Variants in UTP14C observed in about 807,000 individuals in gnomAD.
UTP14C encodes UTP14C small subunit processome component.
A neutral mutation model predicts 14.6 loss-of-function variants in UTP14C; 10 were observed. That is an observed-to-expected ratio of 0.68 (90% CI 0.42 to 1.16). The LOEUF (loss-of-function observed/expected upper bound fraction) is 1.16, where lower values mean the gene tolerates loss of function less well. UTP14C is among the 50% of genes most tolerant of loss of function. The pLI is 0.00. For missense variants in UTP14C, 818 were observed against 890.8 expected, an observed-to-expected ratio of 0.92 and a Z score of 1.04; for synonymous variants, 315 against 331.6, an observed-to-expected ratio of 0.95 and a Z score of 0.54.
rs775014469 is a variant in UTP14C, at chr13:52,031,150, TC to T, written c.*47del. 2 of 1,563,168 alleles carry T rather than the reference TC, an allele frequency of 1.3e-6. No individual in the cohort carries two copies. Among genetic ancestry groups the T allele is most frequent in the Admixed American group, 1.9e-5 (1 of 53,792 alleles). On this transcript the variant is annotated 3_prime_UTR_variant, in exon 2 of 2. Coordinates refer to ENST00000521776, the MANE Select transcript of UTP14C (RefSeq NM_021645.6). Reference sequence around the variant, plus strand: ...GACAGTCAGGGGCCCTGATTCCACTTCCTTTGGTCCAGTTTTACTCTGCTAC... The same window carrying T: ...GACAGTCAGGGGCCCTGATTCCACTTCTTTGGTCCAGTTTTACTCTGCTAC...
chr13:52,030,844 G>C lies in UTP14C; in HGVS notation c.2040G>C (p.Gln680His). Residue 680 changes from glutamine (Q) to histidine (H), a missense_variant, in exon 2 of 2, where the codon CAG becomes CAC. Coordinates refer to ENST00000521776, the MANE Select transcript of UTP14C (RefSeq NM_021645.6). ...EKRNIHAAAH[Q>H]VQVLPYPFTH... The stretch of plus-strand genomic sequence containing the variant: ...GCAACATCCACGCAGCAGCTCATCA[G>C]GTACAAGTGCTTCCATATCCATTTA... The C allele has an allele frequency of 6.2e-7, 1 of 1,614,206 alleles. No individual in the cohort carries two copies. Among genetic ancestry groups the C allele is most frequent in the Non-Finnish European group, 8.5e-7 (1 of 1,180,040 alleles).
Position 52,030,340 on chromosome 13 carries a change from A to G in UTP14C, c.1536A>G (p.Leu512=). The part of the protein sequence containing the change: ...RSERVQTLEE[L]EELGKEDCFQ... Reference sequence around the variant, plus strand: ...AGAGAGTACAAACTCTGGAAGAGCTAGAAGAGCTGGGAAAAGAAGATTGTT... The same window carrying G: ...AGAGAGTACAAACTCTGGAAGAGCTGGAAGAGCTGGGAAAAGAAGATTGTT... The change falls in exon 2 of 2, where the codon CTA becomes CTG. Residue 512 remains leucine (L), a synonymous_variant. Coordinates refer to ENST00000521776, the MANE Select transcript of UTP14C (RefSeq NM_021645.6). The G allele has an allele frequency of 1.9e-6, 3 of 1,614,226 alleles. No individual in the cohort carries two copies. The highest frequency in any genetic ancestry group is 1.7e-6 in the Non-Finnish European group (2 of 1,180,044).
Position 52,028,949 on chromosome 13 carries a change from A to G in UTP14C, c.145A>G (p.Ile49Val), listed in dbSNP as rs202151562. 3.2e-5 allele frequency: 52 copies of G among 1,614,150 alleles called. No individual in the cohort carries two copies. The highest frequency in any genetic ancestry group is 4.3e-5 in the Non-Finnish European group (51 of 1,180,058). Residue 49 changes from isoleucine (I) to valine (V), a missense_variant, in exon 2 of 2, where the codon ATC becomes GTC. Physicochemically the swap from Ile to Val is conservative, Grantham distance 29. Coordinates refer to ENST00000521776, the MANE Select transcript of UTP14C (RefSeq NM_021645.6). The stretch of plus-strand genomic sequence containing the variant: ...AAAGCATCAAAAGCTTCTGGAAGCA[A>G]TCATTTCCCTTGATGGAAAGAATAG... The part of the protein sequence containing the change: ...ERKHQKLLEA[I>V]ISLDGKNRRK...
In UTP14C at chr13:52,031,323, A is replaced by G. The variant is rs941512685; in HGVS notation, c.*218A>G. ...AAAAATTCTAGTACATTTAAATTCTAAACAATACAGTGGATGACCCTTTTG... is the reference window on the plus strand; with the variant it reads ...AAAAATTCTAGTACATTTAAATTCTGAACAATACAGTGGATGACCCTTTTG... On this transcript the variant is annotated 3_prime_UTR_variant, in exon 2 of 2. Coordinates refer to ENST00000521776, the MANE Select transcript of UTP14C (RefSeq NM_021645.6). 5.8e-6 allele frequency: 4 copies of G among 688,178 alleles called. No individual in the cohort carries two copies. The highest frequency in any genetic ancestry group is 5.4e-5 in the African/African-American group (3 of 55,498). The allele number at this position is 688,178 out of a possible 1,614,324, so 42.6% of individuals were successfully genotyped here. A position where few individuals can be genotyped will look rare whatever the true frequency, so the allele number is the denominator to read the frequency against.
intron 1 of UTP14C, among the ~76,000 whole-genome samples, chr13:52,027,084 T>C (rs577625239): frequency 6.6e-6 from 1 of 152,152 alleles, no homozygotes; most frequent in East Asian, 1.9e-4. Context: ...GCCCAGATGC[T>C]GGGGAAGGTA....
chr13:52,033,045 C>CTTA lies in UTP14C; in HGVS notation c.*1943_*1945dup, dbSNP rs1954320513. On this transcript the variant is annotated 3_prime_UTR_variant, in exon 2 of 2. Coordinates refer to ENST00000521776, the MANE Select transcript of UTP14C (RefSeq NM_021645.6). Reference sequence around the variant, plus strand: ...GGAATTCCGTAAATTATATTTTAAGCTTATTTCTTCAAAATTATTTTCATA... The same window carrying CTTA: ...GGAATTCCGTAAATTATATTTTAAGCTTATTATTTCTTCAAAATTATTTTCATA... The CTTA allele has an allele frequency of 6.0e-6, 1 of 167,024 alleles. No homozygotes were observed. The highest frequency in any genetic ancestry group is 1.9e-4 in the East Asian group (1 of 5,204). The allele number at this position is 167,024 out of a possible 1,614,324, so 10.3% of individuals were successfully genotyped here.
In UTP14C at chr13:52,029,842, G is replaced by T; in HGVS notation, c.1038G>T (p.Glu346Asp). 2 of 1,614,206 alleles carry T rather than the reference G, an allele frequency of 1.2e-6. No homozygotes were observed. The highest frequency in any genetic ancestry group is 1.7e-6 in the Non-Finnish European group (2 of 1,180,030). Reference sequence around the variant, plus strand: ...TAGCCTCTGAGAGTGAGGAAGAGGAGGGAGGCACAGAAGTGGAAGAACTCC... The same window carrying T: ...TAGCCTCTGAGAGTGAGGAAGAGGATGGAGGCACAGAAGTGGAAGAACTCC... The part of the protein sequence containing the change: ...LQVASESEEE[E>D]GGTEVEELLV... The change falls in exon 2 of 2, where the codon GAG becomes GAT. Residue 346 changes from glutamate (E) to aspartate (D), a missense_variant. Physicochemically the swap from Glu to Asp is conservative, Grantham distance 45. Coordinates refer to ENST00000521776, the MANE Select transcript of UTP14C (RefSeq NM_021645.6).
chr13:52,030,251 C>G lies in UTP14C; in HGVS notation c.1447C>G (p.Pro483Ala), dbSNP rs1012418303. The G allele has an allele frequency of 6.2e-7, 1 of 1,614,044 alleles. No individual in the cohort carries two copies. The highest frequency in any genetic ancestry group is 8.5e-7 in the Non-Finnish European group (1 of 1,180,040). Residue 483 changes from proline to alanine, a missense_variant, in exon 2 of 2, where the codon CCC (proline) becomes GCC (alanine). Pro to Ala is a conservative substitution (Grantham distance 27, BLOSUM62 -1). Transcript: ENST00000521776. ...AAAAGCAAGTTCAGAGGGGACTGTT[C>G]CCCAGGTCCAGAGAGAGGAACCTGC... ...KQKASSEGTVPQVQREEPAPE... is the reference protein window; with the variant it reads ...KQKASSEGTVAQVQREEPAPE...
Position 52,029,011 on chromosome 13 carries a change from AGT to A in UTP14C, c.210_211del (p.Ser71ArgfsTer7). On this transcript the variant is annotated frameshift_variant, in exon 2 of 2. Coordinates refer to ENST00000521776, the MANE Select transcript of UTP14C (RefSeq NM_021645.6). LOFTEE classifies it low-confidence loss of function (END_TRUNC). ...LAERSEASLK[V>X]SEFSVSSEGS... The stretch of plus-strand genomic sequence containing the variant: ...CTGAGAGGTCTGAGGCTAGTCTGAA[AGT>A]GTCAGAGTTCAGTGTCAGTTCTGAA... 1 of 1,614,250 alleles carries A rather than the reference AGT, an allele frequency of 6.2e-7. No individual in the cohort carries two copies. The highest frequency in any genetic ancestry group is 1.1e-5 in the South Asian group (1 of 91,084).
At position 52,028,924 on chromosome 13, in the gene UTP14C, A is replaced by C; in HGVS notation, c.120A>C (p.Arg40Ser). Residue 40 changes from arginine to serine, a missense_variant, in exon 2 of 2, where the codon AGA becomes AGC. Coordinates refer to ENST00000521776, the MANE Select transcript of UTP14C (RefSeq NM_021645.6). ...ATGAGGGGGACAGTGATGGAGAGAG[A>C]AAGCATCAAAAGCTTCTGGAAGCAA... ...NEDEGDSDGERKHQKLLEAII... is the reference protein window; with the variant it reads ...NEDEGDSDGESKHQKLLEAII... The C allele has an allele frequency of 6.2e-7, 1 of 1,614,212 alleles. No individual in the cohort carries two copies. Among genetic ancestry groups the C allele is most frequent in the Non-Finnish European group, 8.5e-7 (1 of 1,180,034 alleles).
At position 52,024,804 on chromosome 13, in the gene UTP14C, A is replaced by G. The variant is rs774686733; in HGVS notation, c.-620A>G. ...ATGAACTTAGGGTAAACCAACTGAGAAGGCTGTCTGAGGATTTAGGAGTTC... is the reference window on the plus strand; with the variant it reads ...ATGAACTTAGGGTAAACCAACTGAGGAGGCTGTCTGAGGATTTAGGAGTTC... On this transcript the variant is annotated 5_prime_UTR_variant, in exon 1 of 2. Coordinates refer to ENST00000521776, the MANE Select transcript of UTP14C (RefSeq NM_021645.6). 4.3e-6 allele frequency: 7 copies of G among 1,614,066 alleles called. No homozygotes were observed. Among genetic ancestry groups the G allele is most frequent in the Non-Finnish European group, 5.9e-6 (7 of 1,180,014 alleles).
Position 52,030,548 on chromosome 13 carries a change from C to G in UTP14C, c.1744C>G (p.Leu582Val). The G allele has an allele frequency of 1.2e-6, 2 of 1,614,094 alleles. No homozygotes were observed. The highest frequency in any genetic ancestry group is 8.5e-7 in the Non-Finnish European group (1 of 1,180,036). ...SLAVPTIIEE[L>V]EDEEERDQRQ... ...GGCAGTTCCCACAATAATAGAGGAGCTGGAAGATGAAGAGGAGAGAGACCA... is the reference window on the plus strand; with the variant it reads ...GGCAGTTCCCACAATAATAGAGGAGGTGGAAGATGAAGAGGAGAGAGACCA... Residue 582 changes from leucine to valine, a missense_variant, in exon 2 of 2, where the codon CTG becomes GTG. Physicochemically the swap from Leu to Val is conservative, Grantham distance 32 (BLOSUM62 1). Coordinates refer to ENST00000521776, the MANE Select transcript of UTP14C (RefSeq NM_021645.6).
rs766801607 is a variant in UTP14C at position 52,031,131 on chromosome 13, CAG to C, written c.*27_*28del. The C allele has an allele frequency of 2.5e-5, 40 of 1,580,480 alleles. No individual in the cohort carries two copies. The highest frequency in any genetic ancestry group is 5.3e-5 in the Admixed American group (3 of 56,242). On this transcript the variant is annotated 3_prime_UTR_variant, in exon 2 of 2. Transcript: ENST00000521776. ...GTTGTGTAGCTGGAGAAGTGACAGT[CAG>C]GGGCCCTGATTCCACTTCCTTTGGT... is the stretch of plus-strand genomic sequence containing the variant.
At position 52,031,669 on chromosome 13, in the gene UTP14C, A is replaced by C. The variant is rs928829360; in HGVS notation, c.*564A>C. ...GATGATATGATATACAGATACATCC[A>C]CAGGGTATCTATTACCAGCATAATG... On this transcript the variant is annotated 3_prime_UTR_variant, in exon 2 of 2. Coordinates refer to ENST00000521776, the MANE Select transcript of UTP14C (RefSeq NM_021645.6). 1.2e-5 allele frequency: 2 copies of C among 168,858 alleles called. No homozygotes were observed. Among genetic ancestry groups the C allele is most frequent in the Non-Finnish European group, 2.9e-5 (2 of 69,306 alleles). The allele number at this position is 168,858 out of a possible 1,614,324, so 10.5% of individuals were successfully genotyped here.
In UTP14C at chr13:52,028,596, T is replaced by G. The variant is rs1449375679; in HGVS notation, c.-209T>G. The G allele has an allele frequency of 6.2e-7, 1 of 1,611,984 alleles. No individual in the cohort carries two copies. On this transcript the variant is annotated 5_prime_UTR_variant, in exon 2 of 2. Transcript: ENST00000521776. ...TGGAAAAGTTATTTAAGTAATGCCA[T>G]ATCTGTAAAATTAAAGATATTTTAT...
rs1954295840 is a variant in UTP14C at position 52,030,816 on chromosome 13, A to G, written c.2012A>G (p.Lys671Arg). The change falls in exon 2 of 2, where the codon AAG (lysine) becomes AGG (arginine). Residue 671 changes from lysine to arginine, a missense_variant. By Grantham distance (26) the Lys-to-Arg change is conservative. Coordinates refer to ENST00000521776, the MANE Select transcript of UTP14C (RefSeq NM_021645.6). The part of the protein sequence containing the change: ...KNLPNVIISE[K>R]RNIHAAAHQV... ...TTGCCAAATGTGATTATCAGTGAGA[A>G]GCGCAACATCCACGCAGCAGCTCAT... is the stretch of plus-strand genomic sequence containing the variant. 29 of 1,614,102 alleles carry G rather than the reference A, an allele frequency of 1.8e-5. No individual in the cohort carries two copies. The East Asian group carries it at 6.2e-4, about 35-fold the overall frequency.
At position 52,028,998 on chromosome 13, in the gene UTP14C, A is replaced by T. The variant is rs1184994900; in HGVS notation, c.194A>T (p.Glu65Val). The T allele has an allele frequency of 6.2e-7, 1 of 1,614,266 alleles. No individual in the cohort carries two copies. Among genetic ancestry groups the T allele is most frequent in the South Asian group, 1.1e-5 (1 of 91,086 alleles). Residue 65 changes from glutamate (E) to valine (V), a missense_variant, in exon 2 of 2, where the codon GAG (glutamate) becomes GTG (valine). Physicochemically the swap from Glu to Val is moderately radical, Grantham distance 121. Coordinates refer to ENST00000521776, the MANE Select transcript of UTP14C (RefSeq NM_021645.6). Reference protein sequence around the residue: ...KNRRKLAERSEASLKVSEFSV... With the variant: ...KNRRKLAERSVASLKVSEFSV... ...AGGCGGAAATTGGCTGAGAGGTCTG[A>T]GGCTAGTCTGAAAGTGTCAGAGTTC...
In UTP14C at chr13:52,030,274, T is replaced by TGCCCCAGAAGAAGCGGAACCC. The variant is rs1566713871; in HGVS notation, c.1471_1491dup (p.Ala491_Pro497dup). ...TTCCCCAGGTCCAGAGAGAGGAACC[T>TGCCCCAGAAGAAGCGGAACCC]GCCCCAGAAGAAGCGGAACCCCTAT... On this transcript the variant is annotated inframe_insertion, in exon 2 of 2. Coordinates refer to ENST00000521776, the MANE Select transcript of UTP14C (RefSeq NM_021645.6). The TGCCCCAGAAGAAGCGGAACCC allele has an allele frequency of 1.2e-6, 2 of 1,614,176 alleles. No homozygotes were observed. Among genetic ancestry groups the TGCCCCAGAAGAAGCGGAACCC allele is most frequent in the Admixed American group, 3.3e-5 (2 of 60,028 alleles).
chr13:52,029,389 G>A lies in UTP14C; in HGVS notation c.585G>A (p.Lys195=), dbSNP rs758644104. 1 of 1,614,050 alleles carries A rather than the reference G, an allele frequency of 6.2e-7. No homozygotes were observed. The highest frequency in any genetic ancestry group is 8.5e-7 in the Non-Finnish European group (1 of 1,180,018). Residue 195 remains lysine, a synonymous_variant, in exon 2 of 2, where the codon AAG becomes AAA. Coordinates refer to ENST00000521776, the MANE Select transcript of UTP14C (RefSeq NM_021645.6). ...TTTTTAACCTCCTCCATAAGAACAA[G>A]CAGCCAGTGACAGATCCTTTACTGA... ...QEIFNLLHKN[K]QPVTDPLLTP...
Sources: allele counts gnomAD v4.1 joint callset (sites outside exome capture counted in the v4.1 genomes callset), GRCh38; gene constraint gnomAD v4.1.1; transcripts MANE v1.5; gene names NCBI Gene and HGNC (gene_info 2026-07-23, HGNC 2026-07-21).